Variants in CSE1L observed in about 807,000 individuals in gnomAD.
CSE1L encodes the protein chromosome segregation 1 like.
In CSE1L, 24 loss-of-function variants were observed where a neutral mutation model predicts 120.4. The ratio of observed to expected loss-of-function variants is 0.20; its 90% CI spans 0.14 to 0.28. The LOEUF (loss-of-function observed/expected upper bound fraction) is 0.28. CSE1L is among the 10% of genes least tolerant of loss of function. The probability of loss-of-function intolerance (pLI) is 1.00; values close to 1 mark genes in which losing one functional copy is unlikely to be tolerated. For missense variants in CSE1L, 830 were observed against 1,145.2 expected (o/e 0.72, Z 3.97); for synonymous variants, 402 against 398.3 (o/e 1.01, Z -0.11).
intron 10 of CSE1L, among the ~76,000 whole-genome samples, chr20:49,074,045 T>C (rs1018420867): frequency 7.9e-5 from 12 of 151,862 alleles, no homozygotes; most frequent in African/African-American, 2.9e-4. Flanking sequence ...CAAAACCTTA[T>C]CTCTACAATA....
At chr20:49,079,976 A>G (rs2091998842) in intron 14 of CSE1L, among the ~76,000 whole-genome samples, 1 of 152,188 alleles carries the variant, frequency 6.6e-6, no homozygotes, top group Admixed American at 6.5e-5. Flanking sequence ...CGGGAGGCTG[A>G]GACATGAGAA....
At chr20:49,089,112 A>G (rs886594247) in intron 17 of CSE1L, 135 bp from the exon 18 acceptor site, 7 of 714,934 alleles carry the variant, frequency 9.8e-6, no homozygotes, top group Middle Eastern at 4.2e-4. Context: ...TCAAATGAAC[A>G]AGCACTAGGG....
rs753618454 is a variant in CSE1L at position 49,066,486 on chromosome 20, G to T, written c.452G>T (p.Arg151Leu). 2 of 1,612,860 alleles carry T rather than the reference G, an allele frequency of 1.2e-6. No individual in the cohort carries two copies. Among genetic ancestry groups the T allele is most frequent in the Non-Finnish European group, 8.5e-7 (1 of 1,179,502 alleles). Residue 151 changes from arginine to leucine, a missense_variant, in exon 5 of 25, where the codon CGT (arginine) becomes CTT (leucine). Around this residue, in one of 4 missense-constraint regions of CSE1L, gnomAD observed 543 missense variants for 640.2 expected, o/e 0.85. Coordinates refer to ENST00000262982, the MANE Select transcript of CSE1L (RefSeq NM_001316.4). ...TTCCATGTTATTAATGGAGTCCTCC[G>T]TACAGCACATTCATTATTTAAAAGG... ...GDFHVINGVL[R>L]TAHSLFKRYR...
chr20:49,070,095 A>G (rs1358408466), intron 7 of CSE1L, 110 bp from the exon 8 acceptor site: 2 of 567,760 alleles, frequency 3.5e-6, no homozygotes, highest in African/African-American at 3.9e-5. Flanking sequence ...GGTAATGCTC[A>G]GGCTGTGAAG....
At chr20:49,059,243 A>G (rs1242135145) in intron 2 of CSE1L, among the ~76,000 whole-genome samples, 2 of 152,154 alleles carry the variant, frequency 1.3e-5, no homozygotes, top group East Asian at 1.9e-4. Flanking sequence ...ACTGTCTCTT[A>G]ATTTTAATTT....
intron 13 of CSE1L, among the ~76,000 whole-genome samples, chr20:49,077,604 A>T (rs1055939964): frequency 6.6e-6 from 1 of 152,220 alleles, no homozygotes; most frequent in Non-Finnish European, 1.5e-5. Context: ...TTTGCTACCT[A>T]GTGTATAAAT....
chr20:49,063,267 G>C lies in CSE1L; in HGVS notation c.151G>C (p.Glu51Gln). 6.3e-7 allele frequency: 1 copy of C among 1,591,486 alleles called. No individual in the cohort carries two copies. Among genetic ancestry groups the C allele is most frequent in the East Asian group, 2.3e-5 (1 of 44,294 alleles). ...NYPLLLLTLL[E>Q]KSQDNVIKVC... is the part of the protein sequence containing the mutation. ...TCCACTGTTGCTTTTGACATTACTG[G>C]AGAAGTCCCAGGATAATGTTATCAA... Residue 51 changes from glutamate (E) to glutamine (Q), a missense_variant, in exon 3 of 25, where the codon GAG becomes CAG. Transcript: ENST00000262982.
chr20:49,056,050 G>A (rs1309817421), intron 1 of CSE1L, among the ~76,000 whole-genome samples: 1 of 151,064 alleles, frequency 6.6e-6, no homozygotes, highest in African/African-American at 2.4e-5. Context: ...CCATCTACAT[G>A]TGGCTATATA....
intron 1 of CSE1L, among the ~76,000 whole-genome samples, chr20:49,053,379 A>G (rs1411692003): frequency 8.9e-5 from 7 of 78,936 alleles, no homozygotes; most frequent in Admixed American, 6.2e-4. Flanking sequence ...TTTTTTTGAG[A>G]CTGCGTTTCT....
chr20:49,064,032 C>T (rs992380699), intron 3 of CSE1L, among the ~76,000 whole-genome samples: 1 of 152,110 alleles, frequency 6.6e-6, no homozygotes, highest in Non-Finnish European at 1.5e-5. Context: ...CAGTTTGGCT[C>T]ACCAGGGGAC....
intron 1 of CSE1L, among the ~76,000 whole-genome samples, chr20:49,057,052 A>T (rs927155256): frequency 6.6e-6 from 1 of 152,172 alleles, no homozygotes; most frequent in African/African-American, 2.4e-5. Flanking sequence ...TGGGCTGGGC[A>T]CGGTGGCTCA....
At chr20:49,052,006 TA>T (rs2091769790) in intron 1 of CSE1L, among the ~76,000 whole-genome samples, 1 of 152,206 alleles carries the variant, frequency 6.6e-6, no homozygotes, top group African/African-American at 2.4e-5. Flanking sequence ...AGAACAAATC[TA>T]AAAATTCACT....
chr20:49,065,345 G>C (rs6063349), intron 3 of CSE1L, among the ~76,000 whole-genome samples: 72,702 of 91,354 alleles, frequency 0.8, 27,124 homozygotes, highest in African/African-American at 0.92. Context: ...TTTTTTGAGA[G>C]GGAGTCTTGC....
intron 15 of CSE1L, among the ~76,000 whole-genome samples, chr20:49,084,645 C>T (rs1379559296): frequency 2.0e-5 from 3 of 152,010 alleles, no homozygotes; most frequent in Admixed American, 6.6e-5. Context: ...ATGACCTAAC[C>T]GAATGAAAGT....
rs1600546861 is a variant in CSE1L at position 49,088,161 on chromosome 20, T to G, written c.1821+55T>G. The G allele has an allele frequency of 4.9e-6, 6 of 1,228,330 alleles. No homozygotes were observed. The East Asian group carries it at 1.2e-4, about 24-fold the overall frequency. 76.1% of individuals were successfully genotyped at this position (1,228,330 alleles called of 1,614,324 possible). A position where few individuals can be genotyped will look rare whatever the true frequency, so the allele number is the denominator to read the frequency against. On this transcript the variant is annotated intron_variant, in intron 17 of 24. Coordinates refer to ENST00000262982, the MANE Select transcript of CSE1L (RefSeq NM_001316.4). Reference sequence around the variant, plus strand: ...CCTTTTTTATTTGCTCCAAACTGTTTGGGCCTCAGAACTCTTTGGCATTAC... The same window carrying G: ...CCTTTTTTATTTGCTCCAAACTGTTGGGGCCTCAGAACTCTTTGGCATTAC...
chr20:49,090,534 CA>C (rs1249441573), intron 19 of CSE1L, among the ~76,000 whole-genome samples: 1 of 151,866 alleles, frequency 6.6e-6, no homozygotes, highest in Non-Finnish European at 1.5e-5. Flanking sequence ...CTAGCCTGGG[CA>C]ACAAGAGTGA....
In CSE1L at chr20:49,096,404, G is replaced by A; in HGVS notation, c.2882G>A (p.Gly961Glu). The A allele has an allele frequency of 6.2e-7, 1 of 1,614,100 alleles. No individual in the cohort carries two copies. The highest frequency in any genetic ancestry group is 1.3e-5 in the African/African-American group (1 of 75,010). The change falls in exon 25 of 25, where the codon GGG becomes GAG. Residue 961 changes from glycine to glutamate, a missense_variant. Around this residue, in one of 4 missense-constraint regions of CSE1L, gnomAD observed 112 missense variants for 200.0 expected, o/e 0.56. Coordinates refer to ENST00000262982, the MANE Select transcript of CSE1L (RefSeq NM_001316.4). ...GCAGAAGCGCTCCAGTATCTCCAAG[G>A]GTACCTTCAGGCAGCCAGTGTGACA... ...LNAEALQYLQ[G>E]YLQAASVTLL
chr20:49,066,212 A>C lies in CSE1L; in HGVS notation c.249A>C (p.Lys83Asn), dbSNP rs1300082362. The C allele has an allele frequency of 6.2e-7, 1 of 1,614,188 alleles. No homozygotes were observed. Among genetic ancestry groups the C allele is most frequent in the Admixed American group, 1.7e-5 (1 of 60,014 alleles). ...TTTAGGTTGAAGATGAACCAAACAAAATTTGTGAAGCCGATCGAGTGGCCA... is the reference window on the plus strand; with the variant it reads ...TTTAGGTTGAAGATGAACCAAACAACATTTGTGAAGCCGATCGAGTGGCCA... ...NWRIVEDEPN[K>N]ICEADRVAIK... Residue 83 changes from lysine to asparagine, a missense_variant, in exon 4 of 25, where the codon AAA becomes AAC. Lys to Asn is a moderately conservative substitution (Grantham distance 94, BLOSUM62 0). Coordinates refer to ENST00000262982, the MANE Select transcript of CSE1L (RefSeq NM_001316.4).
At chr20:49,090,470 C>T (rs550963152) in intron 19 of CSE1L, among the ~76,000 whole-genome samples, 3 of 152,080 alleles carry the variant, frequency 2.0e-5, no homozygotes, top group Non-Finnish European at 2.9e-5. Flanking sequence ...GCAGGAGAAT[C>T]GCTTGAACCT....
Sources: allele counts gnomAD v4.1 joint callset (sites outside exome capture counted in the v4.1 genomes callset), GRCh38; gene constraint gnomAD v4.1.1; regional missense constraint gnomAD v4.1.1; transcripts MANE v1.5; gene names NCBI Gene and HGNC (gene_info 2026-07-23, HGNC 2026-07-21).